The following TBC1D16 variants were observed in gnomAD, a reference collection of about 807,000 sequenced individuals.
TBC1D16 encodes CTD-2529O21.1.
A neutral mutation model predicts 74.7 loss-of-function variants in TBC1D16; 58 were observed. The observed-to-expected ratio is 0.78, with a 90% CI of 0.63 to 0.97. The LOEUF (loss-of-function observed/expected upper bound fraction) is 0.97, where lower values mean the gene tolerates loss of function less well. Among genes scored for constraint, TBC1D16 ranks in the 50% least tolerant of loss-of-function variants. The pLI, the probability that TBC1D16 is intolerant of heterozygous loss-of-function variation, is 0.00. For synonymous variants in TBC1D16, 493 were observed against 474.7 expected (o/e 1.04, Z -0.50); for missense variants, 1,014 against 1,079.5 (o/e 0.94, Z 0.85).
Position 79,944,977 on chromosome 17 carries a change from CAGA to C in TBC1D16, c.1836_1838del (p.Leu613del). The C allele has an allele frequency of 1.9e-6, 3 of 1,563,860 alleles. No homozygotes were observed. The highest frequency in any genetic ancestry group is 2.6e-6 in the Non-Finnish European group (3 of 1,153,922). ...CCTCGGGGAACTCCCGCTTGAAGCA[CAGA>C]AGGAGCCAGCGGTGGCAGAAGAGCA... On this transcript the variant is annotated inframe_deletion, in exon 10 of 12. Transcript: ENST00000310924. This position sits in a 1 kb window ranked among gnomAD's most constrained non-coding sequence, Gnocchi z 7.7.
intron 8 of TBC1D16, among the ~76,000 whole-genome samples, chr17:79,948,190 G>A (rs1308041941): frequency 6.6e-6 from 1 of 151,946 alleles, no homozygotes; most frequent in Non-Finnish European, 1.5e-5. Flanking sequence ...GTGCACGCCT[G>A]TAATCTCAGC....
chr17:79,951,056 A>G (rs886799150), intron 5 of TBC1D16, among the ~76,000 whole-genome samples: 2 of 152,228 alleles, frequency 1.3e-5, no homozygotes, highest in Non-Finnish European at 2.9e-5. Flanking sequence ...AGGGGGAAAA[A>G]AAGCCATGCT....
chr17:80,006,138 G>T (rs1028357419), intron 3 of TBC1D16, among the ~76,000 whole-genome samples: 3 of 152,128 alleles, frequency 2.0e-5, no homozygotes, highest in Non-Finnish European at 4.4e-5. Context: ...AGTCATCTGG[G>T]GTCCTCGGCC....
intron 4 of TBC1D16, 138 bp from the exon 5 acceptor site, chr17:79,951,735 A>G (rs1000755067): frequency 9.5e-7 from 1 of 1,053,148 alleles, no homozygotes; most frequent in Non-Finnish European, 1.3e-6. Context: ...GTTGGCTGCT[A>G]GCGGGAGGGG....
At chr17:79,977,628 C>A (rs1024848084) in intron 3 of TBC1D16, among the ~76,000 whole-genome samples, 2 of 152,372 alleles carry the variant, frequency 1.3e-5, no homozygotes, top group Admixed American at 6.5e-5. Flanking sequence ...CTCTAGGAAC[C>A]CCATTAGGCT....
In TBC1D16 at chr17:79,944,121, G is replaced by A. The variant is rs1190021010; in HGVS notation, c.1908+787C>T. On this transcript the variant is annotated intron_variant, in intron 10 of 11. Transcript: ENST00000310924. The surrounding 1 kb of genome is among the most constrained non-coding windows in gnomAD (Gnocchi z 7.7). The stretch of plus-strand genomic sequence containing the variant: ...GACATCAGCCCCCTGCGGTGTGAGT[G>A]AGGACAGGAGACGCTGACGCAAATG... 2.0e-6 allele frequency: 3 copies of A among 1,535,938 alleles called. No homozygotes were observed. In the African/African-American group the frequency reaches 4.1e-5, roughly 21 times the overall value.
rs752455033 is a variant in TBC1D16, at chr17:79,950,403, G to C, written c.1257+8C>G. On this transcript the variant is annotated splice_region_variant and intron_variant, in intron 6 of 11. Transcript: ENST00000310924. This position sits in a 1 kb window ranked among gnomAD's most constrained non-coding sequence, Gnocchi z 4.6. ...CCGCGGGGCCAGCTGGGCGGACCCG[G>C]ACCTCACCTTCCGCAGCTTGTACTC... is the stretch of plus-strand genomic sequence containing the variant. 4.4e-6 allele frequency: 7 copies of C among 1,603,292 alleles called. No individual in the cohort carries two copies. The East Asian group carries it at 9.0e-5, about 21-fold the overall frequency.
In TBC1D16 at chr17:79,947,969, TC is replaced by T. The variant is rs1438138773; in HGVS notation, c.1542-139del. The T allele has an allele frequency of 4.8e-5, 34 of 703,398 alleles. No homozygotes were observed. In the African/African-American group the frequency reaches 5.7e-4, roughly 12 times the overall value. 43.6% of individuals were successfully genotyped at this position (703,398 alleles called of 1,614,324 possible). On this transcript the variant is annotated intron_variant, in intron 8 of 11. Coordinates refer to ENST00000310924, the MANE Select transcript of TBC1D16 (RefSeq NM_019020.4). Reference sequence around the variant, plus strand: ...AGTGGAAGGCAGCTGTGCCACCATCTCAGAGCCCAAGCTTAGCTTCCAGACA... The same window carrying T: ...AGTGGAAGGCAGCTGTGCCACCATCTAGAGCCCAAGCTTAGCTTCCAGACA...
intron 1 of TBC1D16, among the ~76,000 whole-genome samples, chr17:80,025,199 ACC>A (rs2036533171): frequency 6.8e-6 from 1 of 147,768 alleles, no homozygotes; most frequent in Non-Finnish European, 1.5e-5. Context: ...ACACACACGC[ACC>A]CCATGACACA....
chr17:79,977,626 AC>A (rs766093861), intron 3 of TBC1D16, among the ~76,000 whole-genome samples: 5 of 152,330 alleles, frequency 3.3e-5, no homozygotes, highest in Non-Finnish European at 7.3e-5. Flanking sequence ...ATCTCTAGGA[AC>A]CCCATTAGGC....
chr17:79,949,764 C>G lies in TBC1D16; in HGVS notation c.1359G>C (p.Ala453=), dbSNP rs749756779. The G allele has an allele frequency of 1.1e-5, 18 of 1,613,388 alleles. No individual in the cohort carries two copies. The highest frequency in any genetic ancestry group is 1.6e-4 in the Middle Eastern group (1 of 6,078). Residue 453 remains alanine (A), a synonymous_variant, in exon 7 of 12, where the codon GCG becomes GCC. Transcript: ENST00000310924. ...ACTCCTTTCGCTTCTGCAGCCGCAG[C>G]GCCTCCCGCTCCTCCGACGTGGACT... ...SHESTSEERE[A]LRLQKRKEYS... is the part of the protein sequence containing the mutation.
chr17:80,014,789 GAAGAAAAA>G (rs1158028294), intron 1 of TBC1D16, among the ~76,000 whole-genome samples: 2 of 150,724 alleles, frequency 1.3e-5, no homozygotes, highest in African/African-American at 2.4e-5. Context: ...ACCAGCATAA[GAAGAAAAA>G]AAGAAAAAAA....
chr17:79,960,802 A>ACG, intron 3 of TBC1D16, among the ~76,000 whole-genome samples: 1 of 148,740 alleles, frequency 6.7e-6, no homozygotes, highest in East Asian at 2.0e-4. Context: ...AAAAAAAAAA[A>ACG]AAAAAAACGA....
At chr17:80,028,615 G>A (rs2036668878) in intron 1 of TBC1D16, among the ~76,000 whole-genome samples, 1 of 146,406 alleles carries the variant, frequency 6.8e-6, no homozygotes, top group South Asian at 2.2e-4. Flanking sequence ...ACCGGGGCAT[G>A]ATGACCAGTT....
rs986087648 is a variant in TBC1D16 at position 79,988,229 on chromosome 17, G to A, written c.779+21931C>T. 7.9e-5 allele frequency among the ~76,000 whole-genome samples: 12 copies of A among 152,298 alleles called. No individual in the cohort carries two copies. Among genetic ancestry groups the A allele is most frequent in the African/African-American group, 2.6e-4 (11 of 41,580 alleles). On this transcript the variant is annotated intron_variant, in intron 3 of 11. Transcript: ENST00000310924. This position sits in a 1 kb window ranked among gnomAD's most constrained non-coding sequence, Gnocchi z 5.7. ...GCTTGCCTGGCCACCAGCCAGGGCC[G>A]TGGCTCCTCGGCAAGTGGGCGTCCG...
At position 79,935,153 on chromosome 17, in the gene TBC1D16, G is replaced by A. The variant is rs889303565; in HGVS notation, c.*5706C>T. 6.6e-6 allele frequency: 1 copy of A among 152,286 alleles called. No individual in the cohort carries two copies. 9.4% of individuals were successfully genotyped at this position (152,286 alleles called of 1,614,324 possible). A position where few individuals can be genotyped will look rare whatever the true frequency, so the allele number is the denominator to read the frequency against. ...CTGAAACCAGAGCCCCGGCAGCCAA[G>A]GCTCAATAAAATACTGTTTGTGTTT... is the stretch of plus-strand genomic sequence containing the variant. On this transcript the variant is annotated 3_prime_UTR_variant, in exon 12 of 12. Transcript: ENST00000310924.
rs113538189 is a variant in TBC1D16 at position 80,011,144 on chromosome 17, C to G, written c.182-387G>C. On this transcript the variant is annotated intron_variant, in intron 2 of 11. Coordinates refer to ENST00000310924, the MANE Select transcript of TBC1D16 (RefSeq NM_019020.4). ...GCAACCCCCACCTCCTAGGCTCAAGCAATCCTCCCACCTCAGCTCCCGAGT... is the reference window on the plus strand; with the variant it reads ...GCAACCCCCACCTCCTAGGCTCAAGGAATCCTCCCACCTCAGCTCCCGAGT... Among the ~76,000 whole-genome samples the G allele has an allele frequency of 5.3e-3, 812 of 152,006 alleles. 8 individuals carry two copies. The highest frequency in any genetic ancestry group is 0.019 in the African/African-American group (787 of 41,456).
In TBC1D16 at chr17:79,950,336, C is replaced by T; in HGVS notation, c.1257+75G>A. The T allele has an allele frequency of 6.8e-7, 1 of 1,475,126 alleles. No homozygotes were observed. Among genetic ancestry groups the T allele is most frequent in the Non-Finnish European group, 9.0e-7 (1 of 1,116,124 alleles). The allele number at this position is 1,475,126 out of a possible 1,614,324, so 91.4% of individuals were successfully genotyped here. On this transcript the variant is annotated intron_variant, in intron 6 of 11. Coordinates refer to ENST00000310924, the MANE Select transcript of TBC1D16 (RefSeq NM_019020.4). This position sits in a 1 kb window ranked among gnomAD's most constrained non-coding sequence, Gnocchi z 4.6. ...GTGCGGGCGGGCGGCCAGGCCCCGG[C>T]CCTCCTTCCCTCTCGCTCGTTCCCG...
intron 3 of TBC1D16, among the ~76,000 whole-genome samples, chr17:79,974,564 G>T (rs1157485350): frequency 2.0e-5 from 3 of 152,190 alleles, no homozygotes; most frequent in Non-Finnish European, 4.4e-5. Context: ...GATTATGGTT[G>T]GCCGAGGGTA....
Sources: allele counts gnomAD v4.1 joint callset (sites outside exome capture counted in the v4.1 genomes callset), GRCh38; gene constraint gnomAD v4.1.1; non-coding constraint Gnocchi (gnomAD v3.1); transcripts MANE v1.5; gene names NCBI Gene and HGNC (gene_info 2026-07-23, HGNC 2026-07-21).